SPTA1: variants seen among roughly 807,000 people sequenced by gnomAD.
The protein encoded by SPTA1 is spectrin alpha chain, erythrocytic 1.
In SPTA1, 177 loss-of-function variants were observed where a neutral mutation model predicts 324.7. The ratio of observed to expected loss-of-function variants is 0.55; its 90% CI spans 0.48 to 0.62. SPTA1 has a LOEUF of 0.62. SPTA1 is among the 20% of genes least tolerant of loss of function. SPTA1 has a pLI of 0.00. For missense variants in SPTA1, 3,162 were observed against 2,883.6 expected (o/e 1.10, Z -2.21); for synonymous variants, 1,195 against 1,041.3 (o/e 1.15, Z -2.84).
At chr1:158,614,226 A>G (rs201694246) in intron 49 of SPTA1, 27 bp downstream of exon 49, 2 of 1,495,424 alleles carry the variant, frequency 1.3e-6, no homozygotes, top group African/African-American at 1.4e-5. Context: ...AAAACAAAGA[A>G]GCAGTTAACT....
In SPTA1 at chr1:158,648,573, C is replaced by A; in HGVS notation, c.3650G>T (p.Ser1217Ile). Residue 1217 changes from serine to isoleucine, a missense_variant, in exon 26 of 52, where the codon AGT (serine) becomes ATT (isoleucine). Transcript: ENST00000643759. ...ATGCCGTCGCTGAAGAGCCTGAACA[C>A]TGAACAGATCTGAGCCAGGGTCTGC... Reference protein sequence around the residue: ...SAADPGSDLFSVQALQRRHEG... With the variant: ...SAADPGSDLFIVQALQRRHEG... 2.5e-6 allele frequency: 4 copies of A among 1,614,034 alleles called. No individual in the cohort carries two copies. Among genetic ancestry groups the A allele is most frequent in the Non-Finnish European group, 3.4e-6 (4 of 1,179,972 alleles).
At chr1:158,658,239 G>GTC (rs1652965342) in intron 18 of SPTA1, among the ~76,000 whole-genome samples, 2 of 152,184 alleles carry the variant, frequency 1.3e-5, no homozygotes, top group African/African-American at 2.4e-5. Context: ...AACCCAGATA[G>GTC]AACCACCAGT....
intron 16 of SPTA1, among the ~76,000 whole-genome samples, chr1:158,664,062 A>C (rs1228759178): frequency 2.6e-5 from 4 of 152,144 alleles, no homozygotes; most frequent in Admixed American, 6.5e-5. Context: ...AAGGCCTTAC[A>C]CTTTTACTCT....
In SPTA1 at chr1:158,644,400, T is replaced by C. The variant is rs1293484709; in HGVS notation, c.4195-4A>G. 6.2e-7 allele frequency: 1 copy of C among 1,613,712 alleles called. No individual in the cohort carries two copies. Among genetic ancestry groups the C allele is most frequent in the Admixed American group, 1.7e-5 (1 of 59,948 alleles). On this transcript the variant is annotated splice_region_variant and splice_polypyrimidine_tract_variant and intron_variant, in intron 29 of 51. Transcript: ENST00000643759. ...GATCACAGTTCCCCTGGAACATCTA[T>C]GAGGAATCAAATGAGAGGGGTATGG... is the stretch of plus-strand genomic sequence containing the variant.
At chr1:158,628,416 C>G (rs1571396228) in intron 39 of SPTA1, among the ~76,000 whole-genome samples, 1 of 152,028 alleles carries the variant, frequency 6.6e-6, no homozygotes, top group African/African-American at 2.4e-5. Context: ...CATAGTAAGT[C>G]AGGTTAAAGG....
chr1:158,666,288 A>G lies in SPTA1; in HGVS notation c.2220+28T>C, dbSNP rs775113043. 22 of 1,612,268 alleles carry G rather than the reference A, an allele frequency of 1.4e-5. 1 individual carries two copies. The highest frequency in any genetic ancestry group is 7.7e-5 in the South Asian group (7 of 90,966). ...CTCAGAGCATATACACCCATTGCTT[A>G]TGGCTGGCCAAAGAGCTAACAACAA... On this transcript the variant is annotated intron_variant, in intron 16 of 51. Transcript: ENST00000643759.
At chr1:158,684,095 G>GA (rs869026924) in intron 2 of SPTA1, among the ~76,000 whole-genome samples, 2 of 6,702 alleles carry the variant, frequency 3.0e-4, no homozygotes, top group African/African-American at 5.5e-4. Flanking sequence ...ATTTAGGGAA[G>GA]AAAAAAAAAA....
intron 42 of SPTA1, among the ~76,000 whole-genome samples, chr1:158,625,479 T>C (rs972432052): frequency 3.9e-5 from 6 of 151,942 alleles, no homozygotes; most frequent in Admixed American, 3.9e-4. Flanking sequence ...ACATACAATA[T>C]ACAATAAAAT....
Position 158,676,212 on chromosome 1 carries a change from A to G in SPTA1, c.1041T>C (p.Asp347=). Residue 347 remains aspartate, a synonymous_variant, in exon 8 of 52, where the codon GAT becomes GAC. Coordinates refer to ENST00000643759, the MANE Select transcript of SPTA1 (RefSeq NM_003126.4). ...DAPQIQEMKE[D]LVSSWEHIRA... ...GAATATGCTCCCAGCTGGAGACCAG[A>G]TCTTCTTTCATCTCCTGGATCTGAG... The G allele has an allele frequency of 6.2e-7, 1 of 1,613,780 alleles. No homozygotes were observed. Among genetic ancestry groups the G allele is most frequent in the Non-Finnish European group, 8.5e-7 (1 of 1,179,812 alleles).
rs121918640 is a variant in SPTA1 at position 158,685,251 on chromosome 1, G to T, written c.121C>A (p.Arg41=). 2.1e-4 allele frequency: 335 copies of T among 1,613,616 alleles called. No homozygotes were observed. Among genetic ancestry groups the T allele is most frequent in the Non-Finnish European group, 2.5e-4 (297 of 1,179,764 alleles). Residue 41 remains arginine (R), a synonymous_variant, in exon 2 of 52, where the codon CGG becomes AGG. Transcript: ENST00000643759. ...VLTRYQSFKE[R]VAERGQKLED... is the part of the protein sequence containing the mutation. Reference sequence around the variant, plus strand: ...AGCTTCTGACCCCTCTCAGCGACCCGCTCCTTGAAACTTTGATACCGAGTC... The same window carrying T: ...AGCTTCTGACCCCTCTCAGCGACCCTCTCCTTGAAACTTTGATACCGAGTC...
chr1:158,666,933 C>A (rs907783617), intron 15 of SPTA1, among the ~76,000 whole-genome samples: 1 of 152,056 alleles, frequency 6.6e-6, no homozygotes. Context: ...CTTCGCTTTC[C>A]CCCCTTAGTG....
intron 27 of SPTA1, among the ~76,000 whole-genome samples, chr1:158,646,820 C>G (rs1450221086): frequency 6.6e-6 from 1 of 152,110 alleles, no homozygotes; most frequent in Non-Finnish European, 1.5e-5. Flanking sequence ...CTTCCTGGAC[C>G]CTCTACTCTA....
At chr1:158,650,948 G>C (rs977155775) in intron 24 of SPTA1, among the ~76,000 whole-genome samples, 1 of 152,138 alleles carries the variant, frequency 6.6e-6, no homozygotes, top group Non-Finnish European at 1.5e-5. Flanking sequence ...GAAGAGACTT[G>C]TCTGAGGACA....
intron 12 of SPTA1, among the ~76,000 whole-genome samples, chr1:158,670,708 A>C (rs1317606143): frequency 1.3e-5 from 2 of 152,188 alleles, no homozygotes; most frequent in Admixed American, 1.3e-4. Context: ...TTTCTGGGAC[A>C]TTGTAACTTA....
Position 158,651,575 on chromosome 1 carries a change from C to A in SPTA1, c.3376-107G>T, listed in dbSNP as rs545550469. 6.6e-5 allele frequency: 52 copies of A among 783,490 alleles called. No homozygotes were observed. The Admixed American group carries it at 8.2e-4, about 12-fold the overall frequency. 48.5% of individuals were successfully genotyped at this position (783,490 alleles called of 1,614,324 possible). On this transcript the variant is annotated intron_variant, in intron 23 of 51. Transcript: ENST00000643759. ...CCTGTCCATCTCTGCCCCTACATCA[C>A]CGTAATACACACCAAGCTCCTCTCC...
chr1:158,654,830 A>G (rs1436469731), intron 20 of SPTA1, 82 bp from the exon 21 acceptor site: 7 of 1,589,128 alleles, frequency 4.4e-6, no homozygotes, highest in Non-Finnish European at 6.0e-6. Context: ...GTAGTCCTTT[A>G]GGCTTCCCAG....
Position 158,666,256 on chromosome 1 carries a change from G to C in SPTA1, c.2220+60C>G, listed in dbSNP as rs111393509. On this transcript the variant is annotated intron_variant, in intron 16 of 51. Coordinates refer to ENST00000643759, the MANE Select transcript of SPTA1 (RefSeq NM_003126.4). ...TAATAATTACTTATTACTTAATAAC[G>C]AGTGTGCTCAGAGCATATACACCCA... 6,093 of 1,544,478 alleles carry C rather than the reference G, an allele frequency of 3.9e-3. 209 individuals carry two copies. The African/African-American group carries it at 0.073, about 19-fold the overall frequency.
In SPTA1 at chr1:158,645,490, T is replaced by C. The variant is rs528782962; in HGVS notation, c.3996+5A>G. ...GATCAGTGGCTGTGACTTTTGTAGTTTTACCTGATGTCTCTCCAGCAAGAT... is the reference window on the plus strand; with the variant it reads ...GATCAGTGGCTGTGACTTTTGTAGTCTTACCTGATGTCTCTCCAGCAAGAT... On this transcript the variant is annotated splice_donor_5th_base_variant and intron_variant, in intron 28 of 51. Transcript: ENST00000643759. 2.4e-5 allele frequency: 39 copies of C among 1,613,972 alleles called. No individual in the cohort carries two copies. In the African/African-American group the frequency reaches 5.1e-4, roughly 21 times the overall value.
rs747310022 is a variant in SPTA1 at position 158,672,107 on chromosome 1, G to A, written c.1440C>T (p.Leu480=). 6.2e-6 allele frequency: 10 copies of A among 1,613,964 alleles called. No homozygotes were observed. In the South Asian group the frequency reaches 8.8e-5, roughly 14 times the overall value. The change falls in exon 11 of 52, where the codon CTC becomes CTT. Residue 480 remains leucine (L), a synonymous_variant. Coordinates refer to ENST00000643759, the MANE Select transcript of SPTA1 (RefSeq NM_003126.4). ...RQYEQCLDFH[L]FYRDSEQVDS... ...CCACTTGCTCACTGTCTCTGTAGAAGAGATGAAAGTCCAAGCACTGCTCAT... is the reference window on the plus strand; with the variant it reads ...CCACTTGCTCACTGTCTCTGTAGAAAAGATGAAAGTCCAAGCACTGCTCAT...
Sources: allele counts gnomAD v4.1 joint callset (sites outside exome capture counted in the v4.1 genomes callset), GRCh38; gene constraint gnomAD v4.1.1; transcripts MANE v1.5; gene names NCBI Gene and HGNC (gene_info 2026-07-23, HGNC 2026-07-21).